MGARP: variants seen among roughly 807,000 people sequenced by gnomAD.
MGARP encodes mitochondria localized glutamic acid rich protein.
Under a neutral mutation model 11.0 loss-of-function variants are expected in MGARP, and 12 were observed. The ratio of observed to expected loss-of-function variants is 1.09; its 90% CI spans 0.70 to 1.77. MGARP has a LOEUF of 1.77. Ranked by LOEUF, MGARP falls within the 40% of genes most tolerant of loss-of-function variation. The pLI is 0.00. For synonymous variants in MGARP, 110 were observed against 115.4 expected (o/e 0.95, Z 0.30); for missense variants, 283 against 297.8 (o/e 0.95, Z 0.36).
intron 1 of MGARP, among the ~76,000 whole-genome samples, chr4:139,277,992 C>T (rs1209845476): frequency 6.6e-6 from 1 of 152,028 alleles, no homozygotes; most frequent in African/African-American, 2.4e-5. Context: ...CTTTGGGAGG[C>T]CGAGGTAGGT....
chr4:139,272,309 C>A lies in MGARP; in HGVS notation c.186+2980G>T, dbSNP rs1421026943. On this transcript the variant is annotated intron_variant, in intron 2 of 3. Transcript: ENST00000398955. ...TGGTGGCTTATGCCTGTAATCCCAG[C>A]ACTTTGGGAGGCCGAGGCAGGAAGA... 2.0e-5 allele frequency among the ~76,000 whole-genome samples: 3 copies of A among 152,070 alleles called. 1 individual carries two copies. The East Asian group carries it at 5.8e-4, about 29-fold the overall frequency.
intron 1 of MGARP, among the ~76,000 whole-genome samples, chr4:139,275,666 C>T (rs892954215): frequency 1.3e-5 from 2 of 152,114 alleles, no homozygotes; most frequent in African/African-American, 4.8e-5. Flanking sequence ...GGAGAAATGA[C>T]AAAAGCACTA....
At chr4:139,269,279 G>A (rs995764843) in intron 2 of MGARP, among the ~76,000 whole-genome samples, 3 of 152,080 alleles carry the variant, frequency 2.0e-5, no homozygotes, top group Non-Finnish European at 4.4e-5. Context: ...GGAAATCTAG[G>A]TTCACATGAA....
chr4:139,280,123 CG>C lies in MGARP; in HGVS notation c.35del (p.Ala12GlyfsTer4), dbSNP rs775215765. On this transcript the variant is annotated frameshift_variant, in exon 1 of 4. Transcript: ENST00000398955. LOFTEE classifies it high-confidence loss of function. ...GGTTGGGGGGCGCCCTCAGCGGCAG[CG>C]CCAGAGTCTTGGAGACCGCCCTGCG... is the stretch of plus-strand genomic sequence containing the variant. ...YLRRAVSKTL[A>X]LPLRAPPNPA... 6.2e-7 allele frequency: 1 copy of C among 1,611,868 alleles called. No homozygotes were observed. Among genetic ancestry groups the C allele is most frequent in the South Asian group, 1.1e-5 (1 of 91,042 alleles).
intron 2 of MGARP, among the ~76,000 whole-genome samples, chr4:139,274,444 TA>T (rs753244701): frequency 3.3e-5 from 5 of 152,010 alleles, no homozygotes; most frequent in Admixed American, 2.6e-4. Flanking sequence ...AAAACTGCTC[TA>T]AAAAAAGATC....
At chr4:139,278,016 T>C (rs1744897706) in intron 1 of MGARP, among the ~76,000 whole-genome samples, 1 of 152,068 alleles carries the variant, frequency 6.6e-6, no homozygotes, top group Non-Finnish European at 1.5e-5. Flanking sequence ...TCACCTTAGG[T>C]TGGGAGTTCA....
intron 2 of MGARP, among the ~76,000 whole-genome samples, chr4:139,274,787 T>G (rs1744842407): frequency 6.6e-6 from 1 of 152,220 alleles, no homozygotes; most frequent in Non-Finnish European, 1.5e-5. Context: ...CCAGCTCCTA[T>G]ATTAATTTTT....
intron 1 of MGARP, 48 bp downstream of exon 1, chr4:139,280,029 G>A (rs1744933409): frequency 6.3e-7 from 1 of 1,594,698 alleles, no homozygotes; most frequent in Non-Finnish European, 8.6e-7. Context: ...GGCGAAATCT[G>A]CACCCGAGGC....
At chr4:139,276,668 G>A (rs1279427807) in intron 1 of MGARP, among the ~76,000 whole-genome samples, 2 of 151,928 alleles carry the variant, frequency 1.3e-5, no homozygotes, top group South Asian at 2.1e-4. Flanking sequence ...GCAATGTGGT[G>A]AACCCCATCT....
chr4:139,277,097 A>G (rs990580628), intron 1 of MGARP, among the ~76,000 whole-genome samples: 3 of 152,230 alleles, frequency 2.0e-5, no homozygotes, highest in South Asian at 2.1e-4. Context: ...TACTTGTGGC[A>G]TCATGTCAGT....
chr4:139,275,154 C>G, intron 2 of MGARP, 135 bp downstream of exon 2: 1 of 650,280 alleles, frequency 1.5e-6, no homozygotes, highest in Non-Finnish European at 2.6e-6. Flanking sequence ...GATGTGTATG[C>G]TTAATGACAC....
Position 139,266,619 on chromosome 4 carries a change from C to T in MGARP, c.703G>A (p.Ala235Thr), listed in dbSNP as rs1370452218. 6.2e-7 allele frequency: 1 copy of T among 1,613,346 alleles called. No homozygotes were observed. The highest frequency in any genetic ancestry group is 8.5e-7 in the Non-Finnish European group (1 of 1,179,780). Reference sequence around the variant, plus strand: ...GGAGATTAGCCTTGAGCCGAAGCAGCCTCAGAGCCAACACTGGCTTCCTCC... The same window carrying T: ...GGAGATTAGCCTTGAGCCGAAGCAGTCTCAGAGCCAACACTGGCTTCCTCC... ...LQEEASVGSE[A>T]ASAQG The change falls in exon 4 of 4, where the codon GCT becomes ACT. Residue 235 changes from alanine (A) to threonine (T), a missense_variant. Transcript: ENST00000398955.
chr4:139,270,942 T>C (rs995484442), intron 2 of MGARP, among the ~76,000 whole-genome samples: 2 of 152,104 alleles, frequency 1.3e-5, no homozygotes, highest in African/African-American at 4.8e-5. Context: ...CAAGGGACAT[T>C]AGTCTCATTG....
chr4:139,266,802 C>T lies in MGARP; in HGVS notation c.520G>A (p.Glu174Lys), dbSNP rs1252203507. Residue 174 changes from glutamate (E) to lysine (K), a missense_variant, in exon 4 of 4, where the codon GAA becomes AAA. Coordinates refer to ENST00000398955, the MANE Select transcript of MGARP (RefSeq NM_032623.4). ...GCATTTGTAACCTCTGGGGTTGTTT[C>T]AGGGTTTACTTCCGTGGTTTCCCTC... ...AARETTEVNP[E>K]TTPEVTNAAL... The T allele has an allele frequency of 6.2e-7, 1 of 1,614,162 alleles. No homozygotes were observed. The highest frequency in any genetic ancestry group is 1.1e-5 in the South Asian group (1 of 91,078).
At chr4:139,268,539 C>T (rs890959537) in intron 3 of MGARP, 133 bp downstream of exon 3, 23 of 587,130 alleles carry the variant, frequency 3.9e-5, no homozygotes, top group East Asian at 5.8e-5. Flanking sequence ...TCTAAATGAA[C>T]TTATACCTAG....
chr4:139,272,076 C>T (rs1391978015), intron 2 of MGARP, among the ~76,000 whole-genome samples: 2 of 151,196 alleles, frequency 1.3e-5, no homozygotes, highest in African/African-American at 4.9e-5. Flanking sequence ...TTTTGGTGGC[C>T]TACACCTCAA....
chr4:139,267,037 T>C lies in MGARP; in HGVS notation c.285A>G (p.Glu95=), dbSNP rs754109506. 14 of 1,612,380 alleles carry C rather than the reference T, an allele frequency of 8.7e-6. No homozygotes were observed. The highest frequency in any genetic ancestry group is 1.1e-5 in the Non-Finnish European group (13 of 1,179,194). Residue 95 remains glutamate, a synonymous_variant, in exon 4 of 4, where the codon GAA becomes GAG. Transcript: ENST00000398955. ...TKAEIHPFQG[E]KENVAETEKA... ...TCTCAGTTTCCGCAACATTCTCCTT[T>C]TCACCTTTAAGAATTAGTCATTAAG...
rs1388159500 is a variant in MGARP at position 139,267,022 on chromosome 4, C to T, written c.300G>A (p.Ala100=). The change falls in exon 4 of 4, where the codon GCG becomes GCA. Residue 100 remains alanine, a synonymous_variant. Transcript: ENST00000398955. Reference sequence around the variant, plus strand: ...CTTCTGAACTTGCTTTCTCAGTTTCCGCAACATTCTCCTTTTCACCTTTAA... The same window carrying T: ...CTTCTGAACTTGCTTTCTCAGTTTCTGCAACATTCTCCTTTTCACCTTTAA... ...HPFQGEKENV[A]ETEKASSEAP... 1 of 1,613,434 alleles carries T rather than the reference C, an allele frequency of 6.2e-7. No homozygotes were observed. Among genetic ancestry groups the T allele is most frequent in the Non-Finnish European group, 8.5e-7 (1 of 1,179,708 alleles).
rs570513866 is a variant in MGARP at position 139,266,912 on chromosome 4, G to A, written c.410C>T (p.Ser137Phe). The A allele has an allele frequency of 2.4e-5, 38 of 1,614,168 alleles. No homozygotes were observed. In the South Asian group the frequency reaches 3.8e-4, roughly 16 times the overall value. The change falls in exon 4 of 4, where the codon TCT becomes TTT. Residue 137 changes from serine to phenylalanine, a missense_variant. Transcript: ENST00000398955. The stretch of plus-strand genomic sequence containing the variant: ...AGCCTCCACGTGACCTGGACAGGCA[G>A]ATGCCTCTTTTATGACCACAACTGT... Reference protein sequence around the residue: ...SATVVVIKEASACPGHVEAAP... With the variant: ...SATVVVIKEAFACPGHVEAAP...
Sources: gnomAD v4.1 joint callset for allele counts (sites outside exome capture counted in the v4.1 genomes callset) on GRCh38, gnomAD v4.1.1 for gene constraint, MANE v1.5 for transcripts, NCBI Gene and HGNC (gene_info 2026-07-23, HGNC 2026-07-21) for gene names.